Variants in RNF111 observed in about 807,000 individuals in gnomAD.
The protein encoded by RNF111 is E3 ubiquitin-protein ligase Arkadia.
Under a neutral mutation model 95.1 loss-of-function variants are expected in RNF111, and 17 were observed. The observed-to-expected ratio is 0.18, with a 90% CI of 0.12 to 0.27. The LOEUF (loss-of-function observed/expected upper bound fraction) is 0.27. Among genes scored for constraint, RNF111 ranks in the 10% least tolerant of loss-of-function variants. The pLI, the probability that RNF111 is intolerant of heterozygous loss-of-function variation, is 1.00. For synonymous variants in RNF111, 440 were observed against 414.8 expected, an observed-to-expected ratio of 1.06 and a Z score of -0.74; for missense variants, 1,189 against 1,210.4, an observed-to-expected ratio of 0.98 and a Z score of 0.26.
At chr15:59,025,901 T>C (rs747702151) in intron 1 of RNF111, among the ~76,000 whole-genome samples, 20 of 152,130 alleles carry the variant, frequency 1.3e-4, no homozygotes, top group Non-Finnish European at 8.8e-5. Flanking sequence ...TGGCTAACTT[T>C]GCATTTTTGG....
intron 6 of RNF111, 143 bp downstream of exon 6, chr15:59,067,226 G>A (rs1448956802): frequency 4.7e-6 from 3 of 639,768 alleles, no homozygotes; most frequent in Non-Finnish European, 7.4e-6. Context: ...TTCCCTCCCT[G>A]CCTCCCTCCG....
intron 2 of RNF111, among the ~76,000 whole-genome samples, chr15:59,047,880 A>C (rs1440990707): frequency 6.6e-6 from 1 of 152,182 alleles, no homozygotes; most frequent in Non-Finnish European, 1.5e-5. Context: ...CAGCCTACTT[A>C]TTTTAGAAAT....
rs539366213 is a variant in RNF111, at chr15:59,057,388, T to C, written c.1172-968T>C. Among the ~76,000 whole-genome samples, 347 of 152,334 alleles carry C rather than the reference T, an allele frequency of 2.3e-3. 4 individuals are homozygous for C. Among genetic ancestry groups the C allele is most frequent in the African/African-American group, 7.8e-3 (326 of 41,576 alleles). ...ATACTAGCATTCAAAGTGTCCCATA[T>C]AGATTCACAGGTACTATTTGTGCCT... On this transcript the variant is annotated intron_variant, in intron 4 of 13. Coordinates refer to ENST00000348370, the MANE Select transcript of RNF111 (RefSeq NM_017610.8).
chr15:59,077,904 G>A (rs1283090291), intron 7 of RNF111, among the ~76,000 whole-genome samples: 1 of 152,192 alleles, frequency 6.6e-6, no homozygotes, highest in African/African-American at 2.4e-5. Flanking sequence ...TTTTCCTGAA[G>A]GAGTGTGTGT....
chr15:59,061,660 G>C (rs2042444123), intron 5 of RNF111, among the ~76,000 whole-genome samples: 2 of 151,990 alleles, frequency 1.3e-5, no homozygotes, highest in Non-Finnish European at 2.9e-5. Context: ...TTCCCTTCCA[G>C]TTCCTTTATC....
At chr15:59,018,506 C>G (rs1421583386) in intron 1 of RNF111, among the ~76,000 whole-genome samples, 2 of 151,970 alleles carry the variant, frequency 1.3e-5, no homozygotes, top group Non-Finnish European at 2.9e-5. Context: ...AATTTATTTC[C>G]TTAAAAAATC....
chr15:59,079,889 A>C (rs1042880166), intron 7 of RNF111, among the ~76,000 whole-genome samples: 50 of 152,130 alleles, frequency 3.3e-4, no homozygotes, highest in African/African-American at 1.2e-3. Flanking sequence ...AGAGAGAGAC[A>C]GTTTGGAAAA....
chr15:59,006,611 T>C (rs1228780840), intron 1 of RNF111, among the ~76,000 whole-genome samples: 1 of 152,342 alleles, frequency 6.6e-6, no homozygotes, highest in Admixed American at 6.5e-5. Flanking sequence ...ATTTTTTTGC[T>C]TTACATTTCT....
intron 6 of RNF111, among the ~76,000 whole-genome samples, chr15:59,067,454 G>A (rs1436177255): frequency 6.6e-6 from 1 of 151,710 alleles, no homozygotes. Context: ...TTTTTTAATT[G>A]TGGTGGCTTT....
intron 4 of RNF111, among the ~76,000 whole-genome samples, chr15:59,056,764 A>T (rs1566917440): frequency 6.6e-6 from 1 of 152,196 alleles, no homozygotes; most frequent in Non-Finnish European, 1.5e-5. Context: ...ACTGTAAATG[A>T]TCTGTAAGAC....
intron 13 of RNF111, chr15:59,093,363 C>CCTTT: frequency 1.1e-5 from 2 of 181,686 alleles, no homozygotes. Context: ...TTTTTTTTTC[C>CCTTT]TTTTCTGGGA....
At chr15:59,065,982 C>T (rs1217956064) in intron 5 of RNF111, among the ~76,000 whole-genome samples, 2 of 151,946 alleles carry the variant, frequency 1.3e-5, no homozygotes, top group African/African-American at 4.8e-5. Context: ...GAGACTTCAC[C>T]AGATACACTC....
At chr15:59,007,421 T>C (rs1280640403) in intron 1 of RNF111, among the ~76,000 whole-genome samples, 1 of 152,230 alleles carries the variant, frequency 6.6e-6, no homozygotes, top group African/African-American at 2.4e-5. Context: ...TTCTTTGTTG[T>C]TGCTGTTTGG....
At chr15:59,032,432 GT>G (rs1245002395) in intron 2 of RNF111, among the ~76,000 whole-genome samples, 2 of 151,666 alleles carry the variant, frequency 1.3e-5, no homozygotes, top group African/African-American at 4.8e-5. Context: ...TTTTTCCTTT[GT>G]TTTTTTGAGG....
chr15:59,048,275 A>G (rs1215957211), intron 2 of RNF111, among the ~76,000 whole-genome samples: 1 of 152,252 alleles, frequency 6.6e-6, no homozygotes, highest in African/African-American at 2.4e-5. Context: ...TCAGCAATAA[A>G]AAAAGTATGA....
chr15:59,039,459 GTT>G, intron 2 of RNF111, among the ~76,000 whole-genome samples: 1 of 152,202 alleles, frequency 6.6e-6, no homozygotes, highest in East Asian at 1.9e-4. Flanking sequence ...ATCCAAAGAG[GTT>G]TTTTCACTTT....
rs145948270 is a variant in RNF111 at position 59,035,123 on chromosome 15, C to T, written c.880+3421C>T. Among the ~76,000 whole-genome samples the T allele has an allele frequency of 8.5e-3, 1,289 of 152,246 alleles. 16 individuals are homozygous for T. Among genetic ancestry groups the T allele is most frequent in the African/African-American group, 0.03 (1,241 of 41,526 alleles). On this transcript the variant is annotated intron_variant, in intron 2 of 13. Transcript: ENST00000348370. ...AACTCCCATTTATAAAACCATCAGA[C>T]CTTGTGAGACTTACTCACTACCATG...
At chr15:59,070,506 A>G (rs1372571035) in intron 6 of RNF111, among the ~76,000 whole-genome samples, 1 of 152,066 alleles carries the variant, frequency 6.6e-6, no homozygotes, top group Non-Finnish European at 1.5e-5. Flanking sequence ...GATTTGAACC[A>G]TAAACATAAA....
intron 6 of RNF111, 126 bp from the exon 7 acceptor site, chr15:59,075,828 A>G (rs2043141397): frequency 9.8e-7 from 1 of 1,022,392 alleles, no homozygotes; most frequent in South Asian, 1.7e-5. Flanking sequence ...CATACTAAGA[A>G]TCTTCCTGGT....
Sources: allele counts gnomAD v4.1 joint callset (sites outside exome capture counted in the v4.1 genomes callset), GRCh38; gene constraint gnomAD v4.1.1; transcripts MANE v1.5; gene names NCBI Gene and HGNC (gene_info 2026-07-23, HGNC 2026-07-21).